EPHB1: variants seen among roughly 807,000 people sequenced by gnomAD.
The protein encoded by EPHB1 is ephrin type-B receptor 1.
Under a neutral mutation model 94.4 loss-of-function variants are expected in EPHB1, and 30 were observed. The ratio of observed to expected loss-of-function variants is 0.32; its 90% confidence interval spans 0.24 to 0.43. EPHB1 has a LOEUF of 0.43. Ranked by LOEUF, EPHB1 falls within the 20% of genes least tolerant of loss-of-function variation. EPHB1 has a pLI of 1.00. For missense variants in EPHB1, 1,055 were observed against 1,308.3 expected (o/e 0.81, Z 2.99); for synonymous variants, 522 against 489.1 (o/e 1.07, Z -0.89).
intron 3 of EPHB1, among the ~76,000 whole-genome samples, chr3:135,006,885 T>C (rs1363392225): frequency 6.6e-6 from 1 of 152,172 alleles, no homozygotes. Flanking sequence ...GGGTTGACCA[T>C]TAGCTAGTAT....
At chr3:134,898,425 C>T (rs992901133) in intron 1 of EPHB1, among the ~76,000 whole-genome samples, 19 of 152,126 alleles carry the variant, frequency 1.2e-4, no homozygotes, top group African/African-American at 4.3e-4. Flanking sequence ...GAGAGCCTGA[C>T]CTCCTTTTTC....
intron 1 of EPHB1, among the ~76,000 whole-genome samples, chr3:134,846,946 G>T (rs34287501): frequency 0.25 from 37,733 of 152,136 alleles, 5,660 homozygotes; most frequent in African/African-American, 0.42. Flanking sequence ...GCTGCAGACA[G>T]AATGATTTCA....
At chr3:134,946,660 C>A (rs1342586222) in intron 2 of EPHB1, among the ~76,000 whole-genome samples, 1 of 152,126 alleles carries the variant, frequency 6.6e-6, no homozygotes. Flanking sequence ...GCAGGGGATC[C>A]CTCATGAATG....
chr3:135,183,050 C>T (rs1323219701), intron 10 of EPHB1, among the ~76,000 whole-genome samples: 1 of 90,172 alleles, frequency 1.1e-5, no homozygotes, highest in African/African-American at 4.9e-5. Context: ...TTCTTTCTTT[C>T]TTTCTTTCTT....
At chr3:135,183,243 C>T (rs375262533) in intron 10 of EPHB1, among the ~76,000 whole-genome samples, 3 of 112,392 alleles carry the variant, frequency 2.7e-5, no homozygotes, top group Non-Finnish European at 5.6e-5. Flanking sequence ...TCCCTCCCTC[C>T]CTTTCTTCCT....
At chr3:135,139,816 T>A (rs1329136834) in intron 5 of EPHB1, among the ~76,000 whole-genome samples, 1 of 152,216 alleles carries the variant, frequency 6.6e-6, no homozygotes, top group African/African-American at 2.4e-5. Context: ...TGCTATACAG[T>A]GACAATGTGT....
intron 15 of EPHB1, among the ~76,000 whole-genome samples, chr3:135,250,338 G>T (rs2107732324): frequency 6.6e-6 from 1 of 152,232 alleles, no homozygotes; most frequent in African/African-American, 2.4e-5. Context: ...CCATTCAGCA[G>T]ATTCTGAAAT....
At chr3:134,944,548 C>A (rs551197562) in intron 2 of EPHB1, among the ~76,000 whole-genome samples, 1 of 152,318 alleles carries the variant, frequency 6.6e-6, no homozygotes, top group South Asian at 2.1e-4. Flanking sequence ...TCTTCTGAGT[C>A]CCCTATACCA....
At chr3:134,854,970 A>G (rs1466904644) in intron 1 of EPHB1, among the ~76,000 whole-genome samples, 2 of 152,138 alleles carry the variant, frequency 1.3e-5, no homozygotes, top group Admixed American at 6.6e-5. Flanking sequence ...AATCTGTTAA[A>G]TTTTTTGTTC....
At chr3:134,846,269 G>A (rs111439534) in intron 1 of EPHB1, among the ~76,000 whole-genome samples, 7 of 152,302 alleles carry the variant, frequency 4.6e-5, no homozygotes, top group African/African-American at 1.2e-4. Context: ...TTGAGTGCTC[G>A]GTGTTGTGGC....
intron 3 of EPHB1, among the ~76,000 whole-genome samples, chr3:134,998,533 G>C (rs2107741457): frequency 6.6e-6 from 1 of 152,298 alleles, no homozygotes; most frequent in Non-Finnish European, 1.5e-5. Flanking sequence ...CTCTGATGCA[G>C]ATACCACCCA....
intron 1 of EPHB1, among the ~76,000 whole-genome samples, chr3:134,840,158 A>T (rs2036749874): frequency 6.6e-6 from 1 of 152,162 alleles, no homozygotes; most frequent in African/African-American, 2.4e-5. Flanking sequence ...ACACATCACT[A>T]TGGCACAGGG....
intron 7 of EPHB1, among the ~76,000 whole-genome samples, chr3:135,165,560 T>C (rs1337254174): frequency 6.6e-6 from 1 of 152,228 alleles, no homozygotes; most frequent in African/African-American, 2.4e-5. Context: ...ATCTATTGAC[T>C]CTGTGCCATT....
At chr3:135,255,296 TG>T (rs1468693552) in intron 15 of EPHB1, among the ~76,000 whole-genome samples, 1 of 152,122 alleles carries the variant, frequency 6.6e-6, no homozygotes, top group Non-Finnish European at 1.5e-5. Context: ...TTCTTTTAAT[TG>T]TGATGTTTGT....
intron 12 of EPHB1, among the ~76,000 whole-genome samples, chr3:135,211,584 G>A (rs2400447): frequency 6.6e-6 from 1 of 151,850 alleles, no homozygotes; most frequent in African/African-American, 2.4e-5. Context: ...TATAGTTTGG[G>A]TTTTCTTTCA....
At chr3:135,136,221 A>G (rs1177224514) in intron 5 of EPHB1, among the ~76,000 whole-genome samples, 1 of 152,098 alleles carries the variant, frequency 6.6e-6, no homozygotes, top group Non-Finnish European at 1.5e-5. Context: ...GATTTTTGCT[A>G]TCATTTGTTT....
In EPHB1 at chr3:135,132,195, G is replaced by A. The variant is rs375233394; in HGVS notation, c.962-519G>A. On this transcript the variant is annotated intron_variant, in intron 4 of 15. Coordinates refer to ENST00000398015, the MANE Select transcript of EPHB1 (RefSeq NM_004441.5). Reference sequence around the variant, plus strand: ...ATCTATTCAGGTGCTCTGGAAGCCTGTCCCTACAGAGATGCATCCCTGCTA... The same window carrying A: ...ATCTATTCAGGTGCTCTGGAAGCCTATCCCTACAGAGATGCATCCCTGCTA... Among the ~76,000 whole-genome samples the A allele has an allele frequency of 3.3e-3, 495 of 152,206 alleles. 2 individuals are homozygous for A. Among genetic ancestry groups the A allele is most frequent in the African/African-American group, 0.011 (460 of 41,520 alleles).
intron 3 of EPHB1, among the ~76,000 whole-genome samples, chr3:135,050,689 G>A (rs1254124728): frequency 6.6e-6 from 1 of 152,162 alleles, no homozygotes; most frequent in Non-Finnish European, 1.5e-5. Context: ...TGTCCCCATG[G>A]TAATAAGTGA....
At chr3:135,018,785 A>G (rs1261929714) in intron 3 of EPHB1, among the ~76,000 whole-genome samples, 1 of 152,136 alleles carries the variant, frequency 6.6e-6, no homozygotes. Context: ...TGCTGAGTGA[A>G]TGCCGGCCTC....
Sources: allele counts gnomAD v4.1 joint callset (sites outside exome capture counted in the v4.1 genomes callset), GRCh38; gene constraint gnomAD v4.1.1; transcripts MANE v1.5; gene names NCBI Gene and HGNC (gene_info 2026-07-23, HGNC 2026-07-21).